The following SNX5 variants were observed in gnomAD, a reference collection of about 807,000 sequenced individuals.
SNX5 encodes sorting nexin 5.
A neutral mutation model predicts 53.9 loss-of-function variants in SNX5; 31 were observed. The observed-to-expected ratio is 0.58, with a 90% confidence interval of 0.43 to 0.78. SNX5 has a LOEUF of 0.78. Ranked by LOEUF, SNX5 falls within the 30% of genes least tolerant of loss-of-function variation. The pLI is 0.00. For synonymous variants in SNX5, 168 were observed against 171.1 expected, an observed-to-expected ratio of 0.98 and a Z score of 0.14; for missense variants, 471 against 478.8, an observed-to-expected ratio of 0.98 and a Z score of 0.15.
At chr20:17,950,003 A>C in intron 8 of SNX5, 129 bp downstream of exon 8, 3 of 720,518 alleles carry the variant, frequency 4.2e-6, no homozygotes, top group African/African-American at 1.8e-5. Context: ...GATGAGTGCT[A>C]GAGACTTGTC....
intron 3 of SNX5, 147 bp from the exon 4 acceptor site, chr20:17,954,264 C>A (rs2035316487): frequency 3.1e-6 from 4 of 1,287,176 alleles, no homozygotes; most frequent in Non-Finnish European, 4.2e-6. Flanking sequence ...TTTTTCTTAA[C>A]CTTCCTTAAC....
At chr20:17,965,817 T>C (rs2035527847) in intron 1 of SNX5, among the ~76,000 whole-genome samples, 1 of 152,140 alleles carries the variant, frequency 6.6e-6, no homozygotes, top group Non-Finnish European at 1.5e-5. Flanking sequence ...GTGGGAAGCT[T>C]GATACGTCAT....
intron 11 of SNX5, chr20:17,945,131 T>C (rs1377342012): frequency 6.6e-6 from 1 of 152,236 alleles, no homozygotes; most frequent in Non-Finnish European, 1.5e-5. Flanking sequence ...ACAAATTTCA[T>C]AGTGATATGT....
chr20:17,953,675 G>A (rs1259349224), intron 4 of SNX5, among the ~76,000 whole-genome samples: 1 of 152,204 alleles, frequency 6.6e-6, no homozygotes. Flanking sequence ...TGTACATTAT[G>A]AGCAATTTAT....
At chr20:17,942,432 AC>A in intron 12 of SNX5, 25 bp from the exon 13 acceptor site, 2 of 1,584,728 alleles carry the variant, frequency 1.3e-6, no homozygotes, top group Non-Finnish European at 1.7e-6. Flanking sequence ...GGCAAGGCAG[AC>A]CAGTGAATTA....
At chr20:17,954,981 G>C (rs2035328063) in intron 3 of SNX5, among the ~76,000 whole-genome samples, 1 of 152,140 alleles carries the variant, frequency 6.6e-6, no homozygotes. Context: ...CAAAGTGCTA[G>C]GATTAAAGGC....
intron 8 of SNX5, 27 bp from the exon 9 acceptor site, chr20:17,949,130 T>G (rs1384640311): frequency 6.9e-6 from 11 of 1,601,424 alleles, no homozygotes; most frequent in Non-Finnish European, 9.4e-6. Flanking sequence ...AATTTTGGTT[T>G]AAGGTCTTAA....
intron 1 of SNX5, chr20:17,962,957 G>A (rs1451992192): frequency 3.9e-6 from 2 of 509,070 alleles, no homozygotes; most frequent in Non-Finnish European, 7.9e-6. Flanking sequence ...AAGGCTGCAA[G>A]CCCATGTACT....
chr20:17,952,820 A>ACATAAAAC, intron 4 of SNX5, 110 bp from the exon 5 acceptor site: 1 of 1,244,854 alleles, frequency 8.0e-7, no homozygotes, highest in Non-Finnish European at 1.1e-6. Flanking sequence ...AAAACACTGC[A>ACATAAAAC]ACTGGACCAA....
chr20:17,942,520 G>A, intron 12 of SNX5, 113 bp from the exon 13 acceptor site: 1 of 790,258 alleles, frequency 1.3e-6, no homozygotes, highest in Non-Finnish European at 2.3e-6. Flanking sequence ...GTCAGCCAGA[G>A]CAAGCTGGCC....
chr20:17,954,851 C>T (rs1256131352), intron 3 of SNX5, among the ~76,000 whole-genome samples: 2 of 152,180 alleles, frequency 1.3e-5, no homozygotes, highest in Admixed American at 6.5e-5. Context: ...GCTGGGACTA[C>T]AGGTACGCAC....
In SNX5 at chr20:17,965,791, G is replaced by T. The variant is rs75469378; in HGVS notation, c.51+2584C>A. ...CTTAAGACACCGAGTACAAGTTACT[G>T]AACTAGAACTAAGGCGTGGGAAGCT... On this transcript the variant is annotated intron_variant, in intron 1 of 12. Coordinates refer to ENST00000377759, the MANE Select transcript of SNX5 (RefSeq NM_014426.4). 8.0e-3 allele frequency among the ~76,000 whole-genome samples: 1,215 copies of T among 152,046 alleles called. 13 individuals carry two copies. Among genetic ancestry groups the T allele is most frequent in the Non-Finnish European group, 0.014 (960 of 67,996 alleles).
At chr20:17,961,666 C>T in intron 1 of SNX5, 1 of 984,770 alleles carries the variant, frequency 1.0e-6, no homozygotes, top group Non-Finnish European at 1.2e-6. Flanking sequence ...ATTCCAAAAG[C>T]AGAAGATATG....
In SNX5 at chr20:17,950,303, T is replaced by C. The variant is rs2039547826; in HGVS notation, c.703A>G (p.Arg235Gly). The change falls in exon 7 of 13, where the codon AGA (arginine) becomes GGA (glycine). Residue 235 changes from arginine to glycine, a missense_variant. By Grantham distance (125) the Arg-to-Gly change is moderately radical (BLOSUM62 -2). Transcript: ENST00000377759. Reference sequence around the variant, plus strand: ...AAATGATATTTACTTTTATGAGATCTGGTCATTTTGTCAGCTTTCACACAA... The same window carrying C: ...AAATGATATTTACTTTTATGAGATCCGGTCATTTTGTCAGCTTTCACACAA... ...DSCVKADKMT[R>G]SHKNVADDYI... 2 of 1,612,292 alleles carry C rather than the reference T, an allele frequency of 1.2e-6. No individual in the cohort carries two copies. Among genetic ancestry groups the C allele is most frequent in the African/African-American group, 1.3e-5 (1 of 74,894 alleles).
In SNX5 at chr20:17,950,099, G is replaced by T. The variant is rs187882294; in HGVS notation, c.791+33C>A. 26 of 1,586,594 alleles carry T rather than the reference G, an allele frequency of 1.6e-5. No individual in the cohort carries two copies. The Admixed American group carries it at 3.8e-4, about 23-fold the overall frequency. ...TACACCACTCGGCACTCTTCAATTG[G>T]GTTAGGGGAAATGCTTTTCCAAAAA... On this transcript the variant is annotated intron_variant, in intron 8 of 12. Coordinates refer to ENST00000377759, the MANE Select transcript of SNX5 (RefSeq NM_014426.4).
chr20:17,965,641 C>T (rs547167612), intron 1 of SNX5, among the ~76,000 whole-genome samples: 1 of 146,680 alleles, frequency 6.8e-6, no homozygotes, highest in African/African-American at 2.5e-5. Context: ...ACTGCACTCC[C>T]GCCTGGGTGA....
In SNX5 at chr20:17,950,130, AC is replaced by A. The variant is rs1487306340; in HGVS notation, c.791+1del. 2.5e-6 allele frequency: 4 copies of A among 1,613,942 alleles called. No individual in the cohort carries two copies. In the South Asian group the frequency reaches 4.4e-5, roughly 18 times the overall value. Reference sequence around the variant, plus strand: ...GGGAAATGCTTTTCCAAAAAAACTTACTTTTTGATGACTGTGGGCTCTTCTA... The same window carrying A: ...GGGAAATGCTTTTCCAAAAAAACTTATTTTTGATGACTGTGGGCTCTTCTA... On this transcript the variant is annotated splice_donor_variant, in intron 8 of 12. Transcript: ENST00000377759. LOFTEE classifies it high-confidence loss of function.
chr20:17,966,896 G>C (rs1177199015), intron 1 of SNX5, among the ~76,000 whole-genome samples: 1 of 152,174 alleles, frequency 6.6e-6, no homozygotes, highest in African/African-American at 2.4e-5. Context: ...AGCATCAGCA[G>C]AGATCAGAAA....
chr20:17,950,205 C>T lies in SNX5; in HGVS notation c.718G>A (p.Val240Ile), dbSNP rs775946902. The change falls in exon 8 of 13, where the codon GTT becomes ATT. Residue 240 changes from valine to isoleucine, a missense_variant and splice_region_variant. Physicochemically the swap from Val to Ile is conservative, Grantham distance 29 (BLOSUM62 3). Transcript: ENST00000377759. Reference sequence around the variant, plus strand: ...GCGGTGTGGATATAGTCATCGGCAACATCTGCAGAAACAAGGACAAGTCTT... The same window carrying T: ...GCGGTGTGGATATAGTCATCGGCAATATCTGCAGAAACAAGGACAAGTCTT... ...ADKMTRSHKN[V>I]ADDYIHTAAC... 1 of 1,614,170 alleles carries T rather than the reference C, an allele frequency of 6.2e-7. No individual in the cohort carries two copies. Among genetic ancestry groups the T allele is most frequent in the South Asian group, 1.1e-5 (1 of 91,082 alleles).
Sources: allele counts gnomAD v4.1 joint callset (sites outside exome capture counted in the v4.1 genomes callset), GRCh38; gene constraint gnomAD v4.1.1; transcripts MANE v1.5; gene names NCBI Gene and HGNC (gene_info 2026-07-23, HGNC 2026-07-21).